Variants in MYO16 observed in about 807,000 individuals in gnomAD.
MYO16 encodes the protein unconventional myosin-XVI.
In MYO16, 94 loss-of-function variants were observed where a neutral mutation model predicts 205.3. The observed-to-expected ratio is 0.46, with a 90% CI of 0.39 to 0.54. The LOEUF (loss-of-function observed/expected upper bound fraction) is 0.54, where lower values mean the gene tolerates loss of function less well. MYO16 is among the 20% of genes least tolerant of loss of function. The pLI, the probability that MYO16 is intolerant of heterozygous loss-of-function variation, is 0.00. For synonymous variants in MYO16, 988 were observed against 954.0 expected (o/e 1.04, Z -0.66); for missense variants, 2,315 against 2,387.5 (o/e 0.97, Z 0.63).
intron 6 of MYO16, among the ~76,000 whole-genome samples, chr13:108,803,203 T>C (rs1331326494): frequency 1.3e-5 from 2 of 152,224 alleles, no homozygotes; most frequent in Non-Finnish European, 2.9e-5. Flanking sequence ...CATCTTGGTA[T>C]TCATCTGTGG....
chr13:108,511,278 G>T, the MYO16 span, among the ~76,000 whole-genome samples: 7 of 135,656 alleles, frequency 5.2e-5, 1 homozygote, highest in East Asian at 1.7e-3. Flanking sequence ...CTTCTTTTGA[G>T]AAGTGTCTGT....
intron 27 of MYO16, among the ~76,000 whole-genome samples, chr13:109,067,991 A>C (rs761646372): frequency 6.6e-6 from 1 of 152,206 alleles, no homozygotes; most frequent in Non-Finnish European, 1.5e-5. Context: ...GACCAGCCCA[A>C]ATGATTTAAA....
intron 32 of MYO16, among the ~76,000 whole-genome samples, chr13:109,142,122 C>T (rs1877128472): frequency 6.6e-6 from 1 of 152,166 alleles, no homozygotes; most frequent in Non-Finnish European, 1.5e-5. Flanking sequence ...TTCATGACGA[C>T]GTTTTTTGCC....
chr13:109,107,002 C>T (rs1398538672), intron 28 of MYO16, among the ~76,000 whole-genome samples: 6 of 152,074 alleles, frequency 3.9e-5, no homozygotes, highest in African/African-American at 1.4e-4. Flanking sequence ...CACACAGATC[C>T]TTCTGGTGGC....
At chr13:108,746,929 T>C (rs1566584231) in intron 4 of MYO16, among the ~76,000 whole-genome samples, 2 of 151,538 alleles carry the variant, frequency 1.3e-5, no homozygotes, top group Non-Finnish European at 2.9e-5. Flanking sequence ...ATACCTTATT[T>C]ATAGAAGAAA....
intron 14 of MYO16, among the ~76,000 whole-genome samples, chr13:108,890,871 A>G (rs537365287): frequency 6.8e-4 from 103 of 152,120 alleles, no homozygotes; most frequent in Admixed American, 1.4e-3. Context: ...TTAGAACACT[A>G]TATCCCCTTC....
chr13:108,996,593 G>C (rs1885010057), intron 21 of MYO16, among the ~76,000 whole-genome samples: 2 of 152,142 alleles, frequency 1.3e-5, no homozygotes, highest in South Asian at 2.1e-4. Context: ...TCTGCAAATT[G>C]CTTCAAATGA....
chr13:109,070,871 T>C (rs529260311), intron 27 of MYO16, among the ~76,000 whole-genome samples: 1 of 152,184 alleles, frequency 6.6e-6, no homozygotes, highest in Non-Finnish European at 1.5e-5. Flanking sequence ...CAGTAGACAC[T>C]GTATTGGTGA....
intron 10 of MYO16, 153 bp from the exon 11 acceptor site, chr13:108,855,290 T>TTTC (rs1555305950): frequency 8.9e-5 from 35 of 393,840 alleles, no homozygotes; most frequent in Non-Finnish European, 1.2e-4. Context: ...TTTTTTTTTT[T>TTTC]CTTTTTCATT....
chr13:108,563,697 A>G, the MYO16 span, among the ~76,000 whole-genome samples: 13 of 152,168 alleles, frequency 8.5e-5, no homozygotes, highest in African/African-American at 3.1e-4. Flanking sequence ...CTTGAAGAGT[A>G]CTCCATTGTT....
intron 2 of MYO16, among the ~76,000 whole-genome samples, chr13:108,696,587 A>T (rs1032631452): frequency 6.6e-6 from 1 of 152,192 alleles, no homozygotes; most frequent in Admixed American, 6.5e-5. Context: ...GTCCCTGGGG[A>T]TACCTGCGGG....
intron 9 of MYO16, among the ~76,000 whole-genome samples, chr13:108,827,029 T>C (rs1876309554): frequency 6.6e-6 from 1 of 152,128 alleles, no homozygotes; most frequent in African/African-American, 2.4e-5. Flanking sequence ...ATTCTTCTCC[T>C]AGGGGCATTG....
At chr13:108,530,287 G>A in the MYO16 span, among the ~76,000 whole-genome samples, 3 of 152,214 alleles carry the variant, frequency 2.0e-5, no homozygotes, top group Admixed American at 6.5e-5. Flanking sequence ...AAAAGCAAAA[G>A]AGGAGATGTA....
chr13:109,154,427 T>G (rs760979314), intron 32 of MYO16, among the ~76,000 whole-genome samples: 1 of 152,210 alleles, frequency 6.6e-6, no homozygotes, highest in Non-Finnish European at 1.5e-5. Context: ...GTCTGTGTCT[T>G]TTTTTGTTAT....
intron 32 of MYO16, among the ~76,000 whole-genome samples, chr13:109,144,717 T>C (rs1486265024): frequency 6.6e-6 from 1 of 152,260 alleles, no homozygotes; most frequent in Admixed American, 6.5e-5. Flanking sequence ...TTTTGTTCAA[T>C]TTTCATAGGA....
At chr13:108,866,944 AAG>A (rs1878750409) in intron 12 of MYO16, among the ~76,000 whole-genome samples, 1 of 152,124 alleles carries the variant, frequency 6.6e-6, no homozygotes, top group African/African-American at 2.4e-5. Flanking sequence ...GAGAGAAAAA[AAG>A]AGAAATTCCT....
the MYO16 span, among the ~76,000 whole-genome samples, chr13:108,579,191 C>G: frequency 1.3e-5 from 2 of 152,104 alleles, no homozygotes; most frequent in African/African-American, 2.4e-5. Flanking sequence ...TTTGCAGTTA[C>G]GGTTGTGTGT....
chr13:109,131,864 T>C (rs1876557935), intron 31 of MYO16, among the ~76,000 whole-genome samples: 1 of 152,170 alleles, frequency 6.6e-6, no homozygotes, highest in African/African-American at 2.4e-5. Context: ...GTCTCCTGAC[T>C]GAAGTTAAAT....
chr13:108,683,979 G>T (rs554610507), intron 2 of MYO16, among the ~76,000 whole-genome samples: 6 of 152,154 alleles, frequency 3.9e-5, no homozygotes, highest in Non-Finnish European at 2.9e-5. Flanking sequence ...GGGTTTAAGT[G>T]ATTATCCTAC....
Sources: gnomAD v4.1 joint callset for allele counts (sites outside exome capture counted in the v4.1 genomes callset) on GRCh38, gnomAD v4.1.1 for gene constraint, MANE v1.5 for transcripts, NCBI Gene and HGNC (gene_info 2026-07-23, HGNC 2026-07-21) for gene names.